DIDO1: variants seen among roughly 807,000 people sequenced by gnomAD.
The protein encoded by DIDO1 is death inducer-obliterator 1, also known as death-inducer obliterator 1.
DIDO1 carries 16 observed loss-of-function variants against 99.4 expected under a neutral mutation model. The observed-to-expected ratio is 0.16, with a 90% confidence interval of 0.11 to 0.24. DIDO1 has a LOEUF of 0.24. Ranked by LOEUF, DIDO1 falls within the 10% of genes least tolerant of loss-of-function variation. The pLI, the probability that DIDO1 is intolerant of heterozygous loss-of-function variation, is 1.00. For missense variants in DIDO1, 2,996 were observed against 3,014.0 expected, an observed-to-expected ratio of 0.99 and a Z score of 0.14; for synonymous variants, 1,366 against 1,239.1, an observed-to-expected ratio of 1.10 and a Z score of -2.15.
intron 14 of DIDO1, among the ~76,000 whole-genome samples, chr20:62,891,538 G>T (rs186324914): frequency 6.6e-6 from 1 of 152,150 alleles, no homozygotes; most frequent in Non-Finnish European, 1.5e-5. Flanking sequence ...TAAATCTCAG[G>T]GGGTCCCAGA....
intron 15 of DIDO1, among the ~76,000 whole-genome samples, chr20:62,883,643 G>A (rs1386841252): frequency 6.6e-6 from 1 of 152,178 alleles, no homozygotes; most frequent in Non-Finnish European, 1.5e-5. Flanking sequence ...TGGCCAACAT[G>A]GTGAAACCCC....
Position 62,881,184 on chromosome 20 carries a change from G to T in DIDO1, c.4772C>A (p.Pro1591His), listed in dbSNP as rs779584171. The T allele has an allele frequency of 6.2e-7, 1 of 1,608,196 alleles. No homozygotes were observed. Among genetic ancestry groups the T allele is most frequent in the South Asian group, 1.1e-5 (1 of 91,006 alleles). The change falls in exon 16 of 16, where the codon CCC becomes CAC. Residue 1591 changes from proline to histidine, a missense_variant. Transcript: ENST00000395343. This position sits in a 1 kb window ranked among gnomAD's most constrained non-coding sequence, Gnocchi z 8.3. ...GCCACCCCTGGAAGCATCTCTCTCG[G>T]GCAGGGCACCCTGGGCACCACGTGC... ...LSARGAQGAL[P>H]ERDASRGGLV...
At chr20:62,917,557 G>A (rs1347559577) in intron 1 of DIDO1, among the ~76,000 whole-genome samples, 5 of 152,188 alleles carry the variant, frequency 3.3e-5, no homozygotes, top group Non-Finnish European at 7.3e-5. Context: ...TTCTGTCAGG[G>A]ACAGACAGCG....
At chr20:62,923,811 A>G (rs1221122368) in intron 1 of DIDO1, among the ~76,000 whole-genome samples, 1 of 152,242 alleles carries the variant, frequency 6.6e-6, no homozygotes, top group African/African-American at 2.4e-5. Context: ...AGCATACGCA[A>G]AACAAAACCA....
Position 62,910,774 on chromosome 20 carries a change from CTGT to C in DIDO1, c.836_838del (p.Asn279del), listed in dbSNP as rs1255426005. 1 of 1,609,844 alleles carries C rather than the reference CTGT, an allele frequency of 6.2e-7. No homozygotes were observed. The highest frequency in any genetic ancestry group is 1.7e-5 in the Admixed American group (1 of 59,932). ...CTGTGGGTGCCCACACATGACCCAC[CTGT>C]TGTTGTGAGGCTGGCGGCAAATGCA... On this transcript the variant is annotated inframe_deletion and splice_region_variant, in exon 3 of 16. Transcript: ENST00000395343.
intron 1 of DIDO1, among the ~76,000 whole-genome samples, chr20:62,917,418 C>A (rs921360944): frequency 6.6e-6 from 1 of 152,166 alleles, no homozygotes; most frequent in Non-Finnish European, 1.5e-5. Flanking sequence ...TCTAAAATTC[C>A]AATTTTCACC....
At chr20:62,888,604 G>A (rs1320211809) in intron 15 of DIDO1, 6 of 985,554 alleles carry the variant, frequency 6.1e-6, no homozygotes, top group African/African-American at 1.7e-5. Flanking sequence ...GGCTATCTCC[G>A]TGAGGACAGG....
rs2294999 is a variant in DIDO1, at chr20:62,905,537, G to A, written c.1588+350C>T. 6.7e-4 allele frequency: 1,033 copies of A among 1,551,054 alleles called. 6 individuals are homozygous for A. The East Asian group carries it at 0.015, about 22-fold the overall frequency. On this transcript the variant is annotated intron_variant, in intron 6 of 15. Coordinates refer to ENST00000395343, the MANE Select transcript of DIDO1 (RefSeq NM_001193369.2). ...TCATGTGCAGACAGGGGTGGATGTGGCGTGCCGGGCAGTGTGGCTATGCAA... is the reference window on the plus strand; with the variant it reads ...TCATGTGCAGACAGGGGTGGATGTGACGTGCCGGGCAGTGTGGCTATGCAA...
In DIDO1 at chr20:62,921,890, A is replaced by G. The variant is rs1287686311; in HGVS notation, c.-200+4549T>C. 8.0e-5 allele frequency among the ~76,000 whole-genome samples: 12 copies of G among 150,610 alleles called. No homozygotes were observed. In the South Asian group the frequency reaches 1.5e-3, roughly 18 times the overall value. The stretch of plus-strand genomic sequence containing the variant: ...ATATATATCCACAATATATATACAC[A>G]CTATATATATATCCACAATATATAT... On this transcript the variant is annotated intron_variant, in intron 1 of 15. Coordinates refer to ENST00000395343, the MANE Select transcript of DIDO1 (RefSeq NM_001193369.2).
rs750012843 is a variant in DIDO1, at chr20:62,911,359, C to A, written c.254G>T (p.Gly85Val). ...CAGGGAGACAGGCATGCTCCTCCTG[C>A]CGCGGCGCCGCGCAATGGTCAGGAA... Reference protein sequence around the residue: ...EQFLTIARRRGRRSMPVSLED... With the variant: ...EQFLTIARRRVRRSMPVSLED... Residue 85 changes from glycine to valine, a missense_variant, in exon 3 of 16, where the codon GGC (glycine) becomes GTC (valine). Gly to Val is a moderately radical substitution (Grantham distance 109). Coordinates refer to ENST00000395343, the MANE Select transcript of DIDO1 (RefSeq NM_001193369.2). The surrounding 1 kb of genome is among the most constrained non-coding windows in gnomAD (Gnocchi z 7.0). The A allele has an allele frequency of 6.2e-7, 1 of 1,610,014 alleles. No individual in the cohort carries two copies. Among genetic ancestry groups the A allele is most frequent in the South Asian group, 1.1e-5 (1 of 91,072 alleles).
chr20:62,881,675 G>A lies in DIDO1; in HGVS notation c.4281C>T (p.Asp1427=), dbSNP rs1568825788. ...AAAEREEVAY[D]PEDETILEEA... ...CTTCTAAGATGGTCTCATCCTCGGG[G>A]TCATAGGCCACCTCTTCCCGCTCGG... Residue 1427 remains aspartate, a synonymous_variant, in exon 16 of 16, where the codon GAC becomes GAT. Transcript: ENST00000395343. The surrounding 1 kb of genome is among the most constrained non-coding windows in gnomAD (Gnocchi z 8.3). 1 of 1,612,782 alleles carries A rather than the reference G, an allele frequency of 6.2e-7. No homozygotes were observed. The highest frequency in any genetic ancestry group is 8.5e-7 in the Non-Finnish European group (1 of 1,180,016).
intron 1 of DIDO1, among the ~76,000 whole-genome samples, chr20:62,935,869 C>T (rs1185727757): frequency 6.6e-6 from 1 of 152,182 alleles, no homozygotes; most frequent in Non-Finnish European, 1.5e-5. Flanking sequence ...ATCCAAAAAG[C>T]AAAGATGATG....
intron 1 of DIDO1, among the ~76,000 whole-genome samples, chr20:62,921,669 G>A (rs968274365): frequency 3.0e-4 from 44 of 144,590 alleles, no homozygotes; most frequent in African/African-American, 9.1e-4. Context: ...GGTCTCTGTC[G>A]CCCAGGCTGG....
At chr20:62,936,258 A>G in intron 1 of DIDO1, among the ~76,000 whole-genome samples, 1 of 152,098 alleles carries the variant, frequency 6.6e-6, no homozygotes, top group East Asian at 1.9e-4. Context: ...AAAAAACTTT[A>G]AAAAATAAAA....
chr20:62,910,611 AG>A (rs1343757481), intron 3 of DIDO1, among the ~76,000 whole-genome samples, 162 bp downstream of exon 3: 1 of 152,210 alleles, frequency 6.6e-6, no homozygotes, highest in Admixed American at 6.5e-5. Context: ...AGGTGGCTCT[AG>A]GAAGTCCTTA....
At chr20:62,900,951 G>A (rs1454539050) in intron 6 of DIDO1, among the ~76,000 whole-genome samples, 1 of 152,242 alleles carries the variant, frequency 6.6e-6, no homozygotes, top group Non-Finnish European at 1.5e-5. Flanking sequence ...TGAGGCGTGT[G>A]TACAACAATG....
intron 12 of DIDO1, 118 bp downstream of exon 12, chr20:62,893,548 A>C (rs1462278245): frequency 8.2e-7 from 1 of 1,223,042 alleles, no homozygotes; most frequent in African/African-American, 1.5e-5. Flanking sequence ...AAGATGAAAG[A>C]GTGAAGCTGT....
chr20:62,904,925 T>C (rs1401740480), intron 6 of DIDO1: 1 of 934,122 alleles, frequency 1.1e-6, no homozygotes, highest in East Asian at 1.2e-4. Flanking sequence ...TCTGTGATCA[T>C]CTTTGAATTG....
rs115307396 is a variant in DIDO1, at chr20:62,910,199, G to A, written c.840-179C>T. Among the ~76,000 whole-genome samples, 852 of 152,264 alleles carry A rather than the reference G, an allele frequency of 5.6e-3. 4 individuals are homozygous for A. Among genetic ancestry groups the A allele is most frequent in the African/African-American group, 0.019 (810 of 41,544 alleles). On this transcript the variant is annotated intron_variant, in intron 3 of 15. Coordinates refer to ENST00000395343, the MANE Select transcript of DIDO1 (RefSeq NM_001193369.2). ...AACATTCAACCAAATTTACTTCACC[G>A]TTTTTTAAGAGTAGCGCATTTTAGG...
Sources: allele counts gnomAD v4.1 joint callset (sites outside exome capture counted in the v4.1 genomes callset), GRCh38; gene constraint gnomAD v4.1.1; non-coding constraint Gnocchi (gnomAD v3.1); transcripts MANE v1.5; gene names NCBI Gene and HGNC (gene_info 2026-07-23, HGNC 2026-07-21).